Variants in CLDN5 observed in about 807,000 individuals in gnomAD.
The protein encoded by CLDN5 is claudin 5, also known as claudin-5.
In CLDN5, 4 loss-of-function variants were observed where a neutral mutation model predicts 1.3. The ratio of observed to expected loss-of-function variants is 3.07; its 90% CI spans 1.51 to 7.03. The LOEUF is 7.03. CLDN5 is among the 30% of genes most tolerant of loss of function. The pLI is 0.00. For missense variants in CLDN5, 225 were observed against 303.5 expected (o/e 0.74, Z 1.92); for synonymous variants, 156 against 152.3 (o/e 1.02, Z -0.18).
At position 19,524,408 on chromosome 22, in the gene CLDN5, GC is replaced by G; in HGVS notation, c.-154del. On this transcript the variant is annotated 5_prime_UTR_variant, in exon 1 of 1. Coordinates refer to ENST00000618236, the MANE Select transcript of CLDN5 (RefSeq NM_001363066.2). ...CGGGTCTGTCGCACCTCCTGGGTCT[GC>G]CAGCTCCTGCCGGGGGGTACCCTCT... The G allele has an allele frequency of 6.9e-7, 1 of 1,448,326 alleles. No homozygotes were observed. The highest frequency in any genetic ancestry group is 9.1e-7 in the Non-Finnish European group (1 of 1,100,144). 89.7% of individuals were successfully genotyped at this position (1,448,326 alleles called of 1,614,324 possible).
At chr22:19,524,804 G>A, upstream of CLDN5, 1 of 1,218,018 alleles carries the variant, frequency 8.2e-7, no homozygotes, top group Non-Finnish European at 1.0e-6. Context: ...ACTCGAGCCA[G>A]CTCCACTTCC....
At position 19,523,920 on chromosome 22, in the gene CLDN5, C is replaced by T. The variant is rs761662164; in HGVS notation, c.336G>A (p.Pro112=). Reference sequence around the variant, plus strand: ...CCGTGAGGGCCACACGCGCCTTGGCCGGGCCCGGGGCCACGCAGGTGGTGC... The same window carrying T: ...CCGTGAGGGCCACACGCGCCTTGGCTGGGCCCGGGGCCACGCAGGTGGTGC... ...AQCTTCVAPG[P]AKARVALTGG... The change falls in exon 1 of 1, where the codon CCG becomes CCA. Residue 112 remains proline, a synonymous_variant. Transcript: ENST00000618236. 1.9e-6 allele frequency: 3 copies of T among 1,599,294 alleles called. No homozygotes were observed. Among genetic ancestry groups the T allele is most frequent in the Admixed American group, 1.7e-5 (1 of 58,688 alleles).
In CLDN5 at chr22:19,523,547, C is replaced by T; in HGVS notation, c.*52G>A. 1.3e-6 allele frequency: 2 copies of T among 1,511,936 alleles called. No homozygotes were observed. Among genetic ancestry groups the T allele is most frequent in the Non-Finnish European group, 1.8e-6 (2 of 1,138,786 alleles). The allele number at this position is 1,511,936 out of a possible 1,614,324, so 93.7% of individuals were successfully genotyped here. On this transcript the variant is annotated 3_prime_UTR_variant, in exon 1 of 1. Transcript: ENST00000618236. ...CCATGCGGGGCTCCCCAGGCTTATC[C>T]AACGCCTCGCAGGCGTGGCTGGCAG...
upstream of CLDN5, chr22:19,524,695 C>T: frequency 8.4e-6 from 11 of 1,303,358 alleles, no homozygotes; most frequent in Non-Finnish European, 1.1e-5. Context: ...GGCCGCCTCC[C>T]TGCGCGTCCC....
upstream of CLDN5, chr22:19,524,464 C>A: frequency 7.0e-7 from 1 of 1,429,286 alleles, no homozygotes; most frequent in Non-Finnish European, 9.2e-7. Flanking sequence ...TTCTGTCCCC[C>A]GGGCCCGGCC....
At chr22:19,524,668 C>G (rs2146467031), upstream of CLDN5, 1 of 1,317,504 alleles carries the variant, frequency 7.6e-7, no homozygotes, top group South Asian at 2.7e-5. Context: ...CTGGGCTGGC[C>G]TAGGGCGCGC....
rs1260800149 is a variant in CLDN5 at position 19,523,570 on chromosome 22, C to T, written c.*29G>A. The T allele has an allele frequency of 6.5e-7, 1 of 1,529,084 alleles. No homozygotes were observed. Among genetic ancestry groups the T allele is most frequent in the Admixed American group, 2.0e-5 (1 of 50,034 alleles). The allele number at this position is 1,529,084 out of a possible 1,614,324, so 94.7% of individuals were successfully genotyped here. A position where few individuals can be genotyped will look rare whatever the true frequency, so the allele number is the denominator to read the frequency against. On this transcript the variant is annotated 3_prime_UTR_variant, in exon 1 of 1. Transcript: ENST00000618236. ...TCCAACGCCTCGCAGGCGTGGCTGG[C>T]AGGAGGGGCCCGGCCGTGCCCAGCG...
chr22:19,524,719 C>A, upstream of CLDN5: 1 of 1,294,606 alleles, frequency 7.7e-7, no homozygotes. Context: ...CCCGTCACTT[C>A]AGAAGGCGCT....
chr22:19,524,786 T>C, upstream of CLDN5: 1 of 1,230,722 alleles, frequency 8.1e-7, no homozygotes, highest in Non-Finnish European at 1.0e-6. Flanking sequence ...AGCCGGGTGG[T>C]CTCTTCCACT....
upstream of CLDN5, chr22:19,525,251 C>A (rs899710562): frequency 1.0e-6 from 1 of 1,000,278 alleles, no homozygotes; most frequent in African/African-American, 1.7e-5. Context: ...AGGAAGTTCC[C>A]AGTGACCCAG....
chr22:19,523,473 G>C lies in CLDN5; in HGVS notation c.*126C>G, dbSNP rs935668135. ...AGGAGCCGCGTCGGGGCGCAGAGCC[G>C]GACGTTCCGAGGAGCCTGCGCGCCG... On this transcript the variant is annotated 3_prime_UTR_variant, in exon 1 of 1. Transcript: ENST00000618236. 3.8e-6 allele frequency: 5 copies of C among 1,331,440 alleles called. No homozygotes were observed. Among genetic ancestry groups the C allele is most frequent in the East Asian group, 2.7e-5 (1 of 37,546 alleles). The allele number at this position is 1,331,440 out of a possible 1,614,324, so 82.5% of individuals were successfully genotyped here. A position where few individuals can be genotyped will look rare whatever the true frequency, so the allele number is the denominator to read the frequency against.
Position 19,524,276 on chromosome 22 carries a change from C to T in CLDN5, c.-21G>A, listed in dbSNP as rs541289112. ...CCCATGGCTAGAGGCGAGACGCGCA[C>T]CCGAAGGCCCGCAGAACCCCCAAGG... On this transcript the variant is annotated 5_prime_UTR_variant, in exon 1 of 1. The change creates a new upstream start codon in the 5' untranslated region. Coordinates refer to ENST00000618236, the MANE Select transcript of CLDN5 (RefSeq NM_001363066.2). 2 of 1,551,872 alleles carry T rather than the reference C, an allele frequency of 1.3e-6. No homozygotes were observed. Among genetic ancestry groups the T allele is most frequent in the African/African-American group, 1.4e-5 (1 of 73,244 alleles).
At chr22:19,524,480 G>A (rs1263383560), upstream of CLDN5, 5 of 1,432,440 alleles carry the variant, frequency 3.5e-6, no homozygotes, top group Non-Finnish European at 4.6e-6. Context: ...CGGCCCCCCG[G>A]CCCGAAGCAG....
chr22:19,524,337 CTT>C lies in CLDN5; in HGVS notation c.-84_-83del, dbSNP rs1482280354. The C allele has an allele frequency of 1.3e-6, 2 of 1,488,492 alleles. No individual in the cohort carries two copies. The highest frequency in any genetic ancestry group is 8.9e-7 in the Non-Finnish European group (1 of 1,118,416). 92.2% of individuals were successfully genotyped at this position (1,488,492 alleles called of 1,614,324 possible). On this transcript the variant is annotated 5_prime_UTR_variant, in exon 1 of 1. Coordinates refer to ENST00000618236, the MANE Select transcript of CLDN5 (RefSeq NM_001363066.2). Reference sequence around the variant, plus strand: ...CGGCGCCCTGGGCGGGCCCTGGTGCCTTTGCGCCCGCGCTCCCGGCTCTTGGC... The same window carrying C: ...CGGCGCCCTGGGCGGGCCCTGGTGCCTGCGCCCGCGCTCCCGGCTCTTGGC...
Position 19,523,428 on chromosome 22 carries a change from GCGCAGGCA to G in CLDN5, c.*163_*170del, listed in dbSNP as rs1179147429. On this transcript the variant is annotated 3_prime_UTR_variant, in exon 1 of 1. Coordinates refer to ENST00000618236, the MANE Select transcript of CLDN5 (RefSeq NM_001363066.2). Reference sequence around the variant, plus strand: ...AGTGGCAGGAGAAGGTCAGCTGCGGGCGCAGGCAGGAGCGGATCCAGGAGCCGCGTCGG... The same window carrying G: ...AGTGGCAGGAGAAGGTCAGCTGCGGGGGAGCGGATCCAGGAGCCGCGTCGG... 4.6e-6 allele frequency: 4 copies of G among 878,702 alleles called. No individual in the cohort carries two copies. The East Asian group carries it at 1.2e-4, about 26-fold the overall frequency. 54.4% of individuals were successfully genotyped at this position (878,702 alleles called of 1,614,324 possible). A position where few individuals can be genotyped will look rare whatever the true frequency, so the allele number is the denominator to read the frequency against.
At position 19,524,384 on chromosome 22, in the gene CLDN5, G is replaced by T. The variant is rs563668051; in HGVS notation, c.-129C>A. 1 of 1,466,414 alleles carries T rather than the reference G, an allele frequency of 6.8e-7. No homozygotes were observed. The highest frequency in any genetic ancestry group is 2.5e-5 in the East Asian group (1 of 39,446). 90.8% of individuals were successfully genotyped at this position (1,466,414 alleles called of 1,614,324 possible). A position where few individuals can be genotyped will look rare whatever the true frequency, so the allele number is the denominator to read the frequency against. ...CTTGGCCCCAGTCCGTTTGCCCCGC[G>T]GGTCTGTCGCACCTCCTGGGTCTGC... On this transcript the variant is annotated 5_prime_UTR_variant, in exon 1 of 1. Transcript: ENST00000618236.
In CLDN5 at chr22:19,524,381, C is replaced by T; in HGVS notation, c.-126G>A. 1 of 1,466,900 alleles carries T rather than the reference C, an allele frequency of 6.8e-7. No homozygotes were observed. Among genetic ancestry groups the T allele is most frequent in the Non-Finnish European group, 9.0e-7 (1 of 1,108,320 alleles). The allele number at this position is 1,466,900 out of a possible 1,614,324, so 90.9% of individuals were successfully genotyped here. A position where few individuals can be genotyped will look rare whatever the true frequency, so the allele number is the denominator to read the frequency against. Reference sequence around the variant, plus strand: ...GCTCTTGGCCCCAGTCCGTTTGCCCCGCGGGTCTGTCGCACCTCCTGGGTC... The same window carrying T: ...GCTCTTGGCCCCAGTCCGTTTGCCCTGCGGGTCTGTCGCACCTCCTGGGTC... On this transcript the variant is annotated 5_prime_UTR_variant, in exon 1 of 1. Transcript: ENST00000618236.
upstream of CLDN5, chr22:19,524,571 G>A (rs570371693): frequency 1.3e-5 from 18 of 1,367,608 alleles, no homozygotes; most frequent in East Asian, 8.9e-5. Flanking sequence ...CGGCTCTTGA[G>A]GGGTAGCTGA....
upstream of CLDN5, chr22:19,524,880 C>T: frequency 2.8e-6 from 3 of 1,088,684 alleles, no homozygotes; most frequent in Non-Finnish European, 3.4e-6. Flanking sequence ...GGGGGGCTCT[C>T]CAGAAAGCCC....
Sources: allele counts gnomAD v4.1 joint callset, GRCh38; gene constraint gnomAD v4.1.1; transcripts MANE v1.5; gene names NCBI Gene and HGNC (gene_info 2026-07-23, HGNC 2026-07-21).